The following NT5C1A variants were observed in gnomAD, a reference collection of about 807,000 sequenced individuals.
The protein encoded by NT5C1A is cytosolic 5'-nucleotidase 1A.
A neutral mutation model predicts 31.0 loss-of-function variants in NT5C1A; 18 were observed. The observed-to-expected ratio is 0.58, with a 90% CI of 0.40 to 0.86. The LOEUF (loss-of-function observed/expected upper bound fraction) is 0.86, where lower values mean the gene tolerates loss of function less well. NT5C1A is among the 40% of genes least tolerant of loss of function. The probability of loss-of-function intolerance (pLI) is 0.00; values close to 1 mark genes in which losing one functional copy is unlikely to be tolerated. For missense variants in NT5C1A, 470 were observed against 505.4 expected, an observed-to-expected ratio of 0.93 and a Z score of 0.67; for synonymous variants, 185 against 203.6, an observed-to-expected ratio of 0.91 and a Z score of 0.78.
chr1:39,651,813 T>C lies in NT5C1A; in HGVS notation c.*7308A>G, dbSNP rs1260772939. Among the ~76,000 whole-genome samples, 2 of 151,942 alleles carry C rather than the reference T, an allele frequency of 1.3e-5. No individual in the cohort carries two copies. The highest frequency in any genetic ancestry group is 4.8e-5 in the African/African-American group (2 of 41,390). Reference sequence around the variant, plus strand: ...GGGAGGCAGAGGCTGGTGGATCACCTGAGGTCAGGAGTTCGAGACCAGCCT... The same window carrying C: ...GGGAGGCAGAGGCTGGTGGATCACCCGAGGTCAGGAGTTCGAGACCAGCCT... On this transcript the variant is annotated 3_prime_UTR_variant, in exon 6 of 6. Coordinates refer to ENST00000235628, the MANE Select transcript of NT5C1A (RefSeq NM_032526.3).
chr1:39,664,422 AG>A (rs1646508281), intron 3 of NT5C1A, among the ~76,000 whole-genome samples: 1 of 142,876 alleles, frequency 7.0e-6, no homozygotes, highest in African/African-American at 2.7e-5. Flanking sequence ...CTGGGATCAC[AG>A]GTGTGAGCCA....
intron 3 of NT5C1A, among the ~76,000 whole-genome samples, chr1:39,664,490 C>CCTCTCCTCCTCTCCT (rs1553485417): frequency 6.9e-4 from 2 of 2,894 alleles, no homozygotes; most frequent in Non-Finnish European, 1.2e-3. Context: ...GTGGATTTCT[C>CCTCTCCTCCTCTCCT]CTCCTCTCCT....
rs1646433384 is a variant in NT5C1A at position 39,651,765 on chromosome 1, C to T, written c.*7356G>A. Among the ~76,000 whole-genome samples, 1 of 152,024 alleles carries T rather than the reference C, an allele frequency of 6.6e-6. No individual in the cohort carries two copies. Among genetic ancestry groups the T allele is most frequent in the African/African-American group, 2.4e-5 (1 of 41,400 alleles). ...AGTTCGTAGGCCGAGTGTGGTGGCT[C>T]ACGCCTGTAATCCCAGCACTTTGGG... On this transcript the variant is annotated 3_prime_UTR_variant, in exon 6 of 6. Coordinates refer to ENST00000235628, the MANE Select transcript of NT5C1A (RefSeq NM_032526.3).
Position 39,659,177 on chromosome 1 carries a change from C to T in NT5C1A, c.1051G>A (p.Val351Met), listed in dbSNP as rs769577813. ...GTVAAHVPYG[V>M]AQTPRRTAPA... is the part of the protein sequence containing the mutation. ...GCAGTCCGCCGGGGTGTCTGTGCCA[C>T]ACCATAAGGCACATGGGCGGCCACA... The change falls in exon 6 of 6, where the codon GTG (valine) becomes ATG (methionine). Residue 351 changes from valine to methionine, a missense_variant. Physicochemically the swap from Val to Met is conservative, Grantham distance 21. Transcript: ENST00000235628. 6.2e-7 allele frequency: 1 copy of T among 1,613,762 alleles called. No homozygotes were observed. Among genetic ancestry groups the T allele is most frequent in the South Asian group, 1.1e-5 (1 of 91,072 alleles).
intron 1 of NT5C1A, among the ~76,000 whole-genome samples, chr1:39,669,402 A>G (rs1017118897): frequency 6.6e-5 from 10 of 152,150 alleles, no homozygotes; most frequent in Non-Finnish European, 1.2e-4. Context: ...AGAGTTTTGG[A>G]TTGAAGAAGT....
Position 39,656,870 on chromosome 1 carries a change from C to A in NT5C1A, c.*2251G>T, listed in dbSNP as rs1439845755. Reference sequence around the variant, plus strand: ...AGGAGAGGGCCTTTCTGCAGTTCAGCCAAGAATAAAGGAGACTCAGGGCTG... The same window carrying A: ...AGGAGAGGGCCTTTCTGCAGTTCAGACAAGAATAAAGGAGACTCAGGGCTG... On this transcript the variant is annotated 3_prime_UTR_variant, in exon 6 of 6. Coordinates refer to ENST00000235628, the MANE Select transcript of NT5C1A (RefSeq NM_032526.3). 6.6e-6 allele frequency among the ~76,000 whole-genome samples: 1 copy of A among 152,210 alleles called. No homozygotes were observed. The highest frequency in any genetic ancestry group is 1.9e-4 in the East Asian group (1 of 5,200).
In NT5C1A at chr1:39,658,989, C is replaced by T. The variant is rs1646476500; in HGVS notation, c.*132G>A. The stretch of plus-strand genomic sequence containing the variant: ...CCGTCTGCATAATTTCCTACAAGTA[C>T]ATCACTCATAGGGATGAGGGCAGAC... On this transcript the variant is annotated 3_prime_UTR_variant, in exon 6 of 6. Coordinates refer to ENST00000235628, the MANE Select transcript of NT5C1A (RefSeq NM_032526.3). 5 of 1,245,580 alleles carry T rather than the reference C, an allele frequency of 4.0e-6. No individual in the cohort carries two copies. The highest frequency in any genetic ancestry group is 1.5e-5 in the African/African-American group (1 of 66,714). 77.2% of individuals were successfully genotyped at this position (1,245,580 alleles called of 1,614,324 possible). A position where few individuals can be genotyped will look rare whatever the true frequency, so the allele number is the denominator to read the frequency against.
intron 4 of NT5C1A, among the ~76,000 whole-genome samples, chr1:39,661,660 C>T (rs1027537839): frequency 7.9e-5 from 12 of 152,230 alleles, no homozygotes; most frequent in Admixed American, 3.9e-4. Context: ...TGAGTCCCAT[C>T]GGCCACTGCC....
rs1045015314 is a variant in NT5C1A, at chr1:39,652,368, G to A, written c.*6753C>T. ...TCTTCAAAAATGGGGCGGACTATCC[G>A]GCAACCTCAGGCCACATTCCCATGT... On this transcript the variant is annotated 3_prime_UTR_variant, in exon 6 of 6. Coordinates refer to ENST00000235628, the MANE Select transcript of NT5C1A (RefSeq NM_032526.3). Among the ~76,000 whole-genome samples, 1 of 152,174 alleles carries A rather than the reference G, an allele frequency of 6.6e-6. No individual in the cohort carries two copies. The highest frequency in any genetic ancestry group is 1.9e-4 in the East Asian group (1 of 5,188).
chr1:39,670,561 C>A (rs1011750129), intron 1 of NT5C1A, among the ~76,000 whole-genome samples: 1 of 152,088 alleles, frequency 6.6e-6, no homozygotes, highest in Non-Finnish European at 1.5e-5. Flanking sequence ...GTGCAGACTC[C>A]CTGAAACATG....
At chr1:39,662,961 C>T (rs1435738212) in intron 4 of NT5C1A, among the ~76,000 whole-genome samples, 1 of 152,192 alleles carries the variant, frequency 6.6e-6, no homozygotes, top group Non-Finnish European at 1.5e-5. Flanking sequence ...AGGGCAGAGG[C>T]TGCCTATGGT....
At position 39,655,067 on chromosome 1, in the gene NT5C1A, G is replaced by A. The variant is rs775144389; in HGVS notation, c.*4054C>T. Among the ~76,000 whole-genome samples, 9 of 152,002 alleles carry A rather than the reference G, an allele frequency of 5.9e-5. No homozygotes were observed. The highest frequency in any genetic ancestry group is 1.0e-4 in the Non-Finnish European group (7 of 68,006). On this transcript the variant is annotated 3_prime_UTR_variant, in exon 6 of 6. Transcript: ENST00000235628. ...AGTGATCCTCCTGCCTCAGCCTCCC[G>A]AGTAGCTGGGACTACAGGCGTGCAC...
chr1:39,668,610 C>G (rs1489765947), intron 1 of NT5C1A, among the ~76,000 whole-genome samples: 2 of 152,192 alleles, frequency 1.3e-5, no homozygotes, highest in African/African-American at 2.4e-5. Flanking sequence ...AGCCTGGCCT[C>G]TATCCACACT....
intron 3 of NT5C1A, among the ~76,000 whole-genome samples, chr1:39,664,492 T>TCTTCTCCCCTTCCCCTCC (rs1553485422): frequency 1.7e-3 from 1 of 606 alleles, no homozygotes; most frequent in Non-Finnish European, 3.3e-3. Flanking sequence ...GGATTTCTCC[T>TCTTCTCCCCTTCCCCTCC]CCTCTCCTCT....
chr1:39,651,253 T>C lies in NT5C1A; in HGVS notation c.*7868A>G, dbSNP rs150362299. On this transcript the variant is annotated 3_prime_UTR_variant, in exon 6 of 6. Coordinates refer to ENST00000235628, the MANE Select transcript of NT5C1A (RefSeq NM_032526.3). ...GTTAATTAAAACCCTCTCCATTTAT[T>C]TGAATGGCTTTTAAGAAGCAGAAGC... 1.8e-3 allele frequency among the ~76,000 whole-genome samples: 268 copies of C among 152,340 alleles called. 2 individuals carry two copies. Among genetic ancestry groups the C allele is most frequent in the African/African-American group, 6.1e-3 (252 of 41,572 alleles).
At chr1:39,671,828 C>T in intron 1 of NT5C1A, 76 bp downstream of exon 1, 3 of 1,575,416 alleles carry the variant, frequency 1.9e-6, no homozygotes, top group Non-Finnish European at 2.6e-6. Flanking sequence ...CCACGGGTCC[C>T]TTCCCAAGAG....
At position 39,656,944 on chromosome 1, in the gene NT5C1A, C is replaced by T. The variant is rs546063087; in HGVS notation, c.*2177G>A. 2.0e-5 allele frequency among the ~76,000 whole-genome samples: 3 copies of T among 152,374 alleles called. No homozygotes were observed. The South Asian group carries it at 6.2e-4, about 32-fold the overall frequency. ...TGTTTCCTTGAGGTTGTTCTTGGCC[C>T]TCACAGTACCTCTGTCTAGGCTTGG... On this transcript the variant is annotated 3_prime_UTR_variant, in exon 6 of 6. Coordinates refer to ENST00000235628, the MANE Select transcript of NT5C1A (RefSeq NM_032526.3).
In NT5C1A at chr1:39,663,577, TC is replaced by T; in HGVS notation, c.434-144del. On this transcript the variant is annotated intron_variant, in intron 3 of 5. Coordinates refer to ENST00000235628, the MANE Select transcript of NT5C1A (RefSeq NM_032526.3). ...TCTCAGTGTAATTTTAGGCCAGTGTTCCCCTCTGAGCCCCTCCATCCTTCAT... is the reference window on the plus strand; with the variant it reads ...TCTCAGTGTAATTTTAGGCCAGTGTTCCCTCTGAGCCCCTCCATCCTTCAT... 5 of 766,188 alleles carry T rather than the reference TC, an allele frequency of 6.5e-6. No homozygotes were observed. In the South Asian group the frequency reaches 9.1e-5, roughly 14 times the overall value. 47.5% of individuals were successfully genotyped at this position (766,188 alleles called of 1,614,324 possible). A position where few individuals can be genotyped will look rare whatever the true frequency, so the allele number is the denominator to read the frequency against.
intron 4 of NT5C1A, among the ~76,000 whole-genome samples, chr1:39,661,752 G>A (rs965252453): frequency 8.5e-5 from 13 of 152,306 alleles, no homozygotes; most frequent in Non-Finnish European, 1.6e-4. Flanking sequence ...GTTGGCCTCA[G>A]TCACTCCCTC....
Sources: gnomAD v4.1 joint callset for allele counts (sites outside exome capture counted in the v4.1 genomes callset) on GRCh38, gnomAD v4.1.1 for gene constraint, MANE v1.5 for transcripts, NCBI Gene and HGNC (gene_info 2026-07-23, HGNC 2026-07-21) for gene names.